Variants in DCC observed in about 807,000 individuals in gnomAD.
The protein encoded by DCC is DCC netrin 1 receptor.
Under a neutral mutation model 172.5 loss-of-function variants are expected in DCC, and 58 were observed. The ratio of observed to expected loss-of-function variants is 0.34; its 90% CI spans 0.27 to 0.42. The LOEUF is 0.42. Among genes scored for constraint, DCC ranks in the 10% least tolerant of loss-of-function variants. The probability of loss-of-function intolerance (pLI) is 1.00; values close to 1 mark genes in which losing one functional copy is unlikely to be tolerated. For missense variants in DCC, 1,740 were observed against 1,791.0 expected (o/e 0.97, Z 0.51); for synonymous variants, 709 against 644.5 (o/e 1.10, Z -1.52).
At chr18:53,422,278 A>C (rs1910678578) in intron 21 of DCC, among the ~76,000 whole-genome samples, 1 of 152,068 alleles carries the variant, frequency 6.6e-6, no homozygotes, top group South Asian at 2.1e-4. Flanking sequence ...TCCACAATAA[A>C]ACTCCGCCTT....
intron 7 of DCC, among the ~76,000 whole-genome samples, chr18:53,150,329 A>C (rs1477895992): frequency 6.6e-6 from 1 of 152,198 alleles, no homozygotes; most frequent in Non-Finnish European, 1.5e-5. Context: ...AGAGTTCTGA[A>C]AAGGAGTGTT....
At chr18:53,388,636 T>C (rs1231417933) in intron 16 of DCC, among the ~76,000 whole-genome samples, 1 of 152,194 alleles carries the variant, frequency 6.6e-6, no homozygotes, top group East Asian at 1.9e-4. Flanking sequence ...TTTCTTGTTG[T>C]CTTAAGGACA....
chr18:53,109,790 CT>C (rs1211924018), intron 7 of DCC, among the ~76,000 whole-genome samples: 2 of 151,188 alleles, frequency 1.3e-5, no homozygotes, highest in Admixed American at 1.3e-4. Flanking sequence ...AAATGTTGTC[CT>C]TTTTTTTCCT....
intron 1 of DCC, among the ~76,000 whole-genome samples, chr18:52,700,194 A>G (rs2036087148): frequency 6.9e-6 from 1 of 145,360 alleles, no homozygotes; most frequent in Non-Finnish European, 1.5e-5. Flanking sequence ...ACGCACACAC[A>G]CGCACATACA....
intron 3 of DCC, among the ~76,000 whole-genome samples, chr18:52,919,838 A>C (rs2040093166): frequency 6.6e-6 from 1 of 152,088 alleles, no homozygotes; most frequent in Non-Finnish European, 1.5e-5. Context: ...AAGACTTACT[A>C]TAAAGTTACA....
chr18:53,182,875 G>C (rs2055217474), intron 9 of DCC, among the ~76,000 whole-genome samples: 1 of 152,008 alleles, frequency 6.6e-6, no homozygotes, highest in Non-Finnish European at 1.5e-5. Context: ...GTCCTTAAGA[G>C]AAAATGCGAG....
chr18:52,462,792 G>A (rs867088382), intron 1 of DCC, among the ~76,000 whole-genome samples: 11 of 152,164 alleles, frequency 7.2e-5, no homozygotes, highest in African/African-American at 2.4e-4. Context: ...CAGCCCAGGT[G>A]CCTGGAACAG....
chr18:53,235,375 G>T (rs889436944), intron 12 of DCC, among the ~76,000 whole-genome samples: 3 of 152,154 alleles, frequency 2.0e-5, no homozygotes, highest in Non-Finnish European at 2.9e-5. Context: ...AATGACATGT[G>T]ATGCTTGGAA....
intron 1 of DCC, among the ~76,000 whole-genome samples, chr18:52,466,275 T>A (rs768130707): frequency 1.3e-5 from 2 of 152,158 alleles, no homozygotes; most frequent in Non-Finnish European, 2.9e-5. Context: ...GGAAAATATG[T>A]CCATGGTGGG....
chr18:52,760,614 C>T (rs939741627), intron 2 of DCC, among the ~76,000 whole-genome samples: 1 of 152,136 alleles, frequency 6.6e-6, no homozygotes, highest in African/African-American at 2.4e-5. Context: ...CACAGTTATA[C>T]AATTCTGATG....
At chr18:52,608,335 T>A (rs1223407775) in intron 1 of DCC, among the ~76,000 whole-genome samples, 1 of 152,162 alleles carries the variant, frequency 6.6e-6, no homozygotes, top group African/African-American at 2.4e-5. Flanking sequence ...TCTTTACATA[T>A]AAACAATAGA....
intron 27 of DCC, among the ~76,000 whole-genome samples, chr18:53,517,559 A>C: frequency 6.6e-6 from 1 of 152,068 alleles, no homozygotes. Context: ...TTAGTACCTT[A>C]ACCCTCTCGT....
At chr18:53,196,515 G>A (rs1158468458) in intron 9 of DCC, among the ~76,000 whole-genome samples, 1 of 152,052 alleles carries the variant, frequency 6.6e-6, no homozygotes, top group Admixed American at 6.6e-5. Flanking sequence ...ACTGTTTCCA[G>A]TTCTAGGTTG....
chr18:52,343,756 T>C (rs1983758177), intron 1 of DCC, among the ~76,000 whole-genome samples: 2 of 152,234 alleles, frequency 1.3e-5, no homozygotes. Context: ...TGTGAGTGTT[T>C]AATGTAGTCT....
chr18:53,078,878 G>A (rs1049967617), intron 7 of DCC, among the ~76,000 whole-genome samples: 22 of 152,136 alleles, frequency 1.4e-4, no homozygotes, highest in Middle Eastern at 3.4e-3. Context: ...TAAAACACAC[G>A]TCATTATAAA....
At chr18:52,967,257 A>T (rs2040949326) in intron 5 of DCC, among the ~76,000 whole-genome samples, 1 of 152,132 alleles carries the variant, frequency 6.6e-6, no homozygotes, top group South Asian at 2.1e-4. Context: ...TCATGGCCTC[A>T]TTCTTTTTCA....
At chr18:52,736,280 T>TG (rs1555653940) in intron 1 of DCC, among the ~76,000 whole-genome samples, 1 of 131,812 alleles carries the variant, frequency 7.6e-6, no homozygotes. Flanking sequence ...ACTGTAAACA[T>TG]AAAAAAAAAA....
chr18:52,851,743 T>C (rs2038977731), intron 2 of DCC, among the ~76,000 whole-genome samples: 1 of 152,098 alleles, frequency 6.6e-6, no homozygotes, highest in African/African-American at 2.4e-5. Context: ...ATCTGAAATA[T>C]AATTATTGAG....
intron 1 of DCC, among the ~76,000 whole-genome samples, chr18:52,474,316 G>A (rs1989034788): frequency 6.6e-6 from 1 of 151,658 alleles, no homozygotes; most frequent in African/African-American, 2.4e-5. Context: ...GGAGTAGGAG[G>A]CTGTCATTGG....
Sources: gnomAD v4.1 joint callset for allele counts (sites outside exome capture counted in the v4.1 genomes callset) on GRCh38, gnomAD v4.1.1 for gene constraint, MANE v1.5 for transcripts, NCBI Gene and HGNC (gene_info 2026-07-23, HGNC 2026-07-21) for gene names.